Variants in CEP112 observed in about 807,000 individuals in gnomAD.
The protein encoded by CEP112 is centrosomal protein 112, also known as centrosomal protein of 112 kDa.
A neutral mutation model predicts 153.0 loss-of-function variants in CEP112; 127 were observed. The ratio of observed to expected loss-of-function variants is 0.83; its 90% CI spans 0.72 to 0.96. CEP112 has a LOEUF of 0.96. Ranked by LOEUF, CEP112 falls within the 40% of genes least tolerant of loss-of-function variation. The pLI, the probability that CEP112 is intolerant of heterozygous loss-of-function variation, is 0.00. For synonymous variants in CEP112, 358 were observed against 374.4 expected, an observed-to-expected ratio of 0.96 and a Z score of 0.51; for missense variants, 1,089 against 1,101.2, an observed-to-expected ratio of 0.99 and a Z score of 0.16.
intron 21 of CEP112, among the ~76,000 whole-genome samples, chr17:65,774,681 C>T (rs1332087520): frequency 6.6e-6 from 1 of 152,090 alleles, no homozygotes; most frequent in African/African-American, 2.4e-5. Context: ...GAGGCCCTAC[C>T]CCATGGCATG....
Position 66,016,392 on chromosome 17 carries a change from G to A in CEP112, c.1657-10623C>T, listed in dbSNP as rs536859746. On this transcript the variant is annotated intron_variant, in intron 16 of 26. Transcript: ENST00000535342. ...GACAAAAACCACAGGGGCTGTAACTGTGCTTCTATTACGTGTCTCTAAGTG... is the reference window on the plus strand; with the variant it reads ...GACAAAAACCACAGGGGCTGTAACTATGCTTCTATTACGTGTCTCTAAGTG... Among the ~76,000 whole-genome samples the A allele has an allele frequency of 7.2e-5, 11 of 152,200 alleles. No individual in the cohort carries two copies. In the South Asian group the frequency reaches 1.2e-3, roughly 17 times the overall value.
At chr17:65,792,764 A>G (rs1239885055) in intron 21 of CEP112, among the ~76,000 whole-genome samples, 3 of 152,204 alleles carry the variant, frequency 2.0e-5, no homozygotes, top group African/African-American at 7.2e-5. Flanking sequence ...GAAAAAAGGA[A>G]TAGAAGCTAT....
At chr17:65,641,534 G>A (rs2045133479) in intron 24 of CEP112, among the ~76,000 whole-genome samples, 1 of 152,084 alleles carries the variant, frequency 6.6e-6, no homozygotes, top group African/African-American at 2.4e-5. Flanking sequence ...AGGCTGAGGT[G>A]GGCAGATCAC....
At chr17:65,702,905 C>T (rs928895613) in intron 23 of CEP112, among the ~76,000 whole-genome samples, 2 of 152,118 alleles carry the variant, frequency 1.3e-5, no homozygotes, top group Admixed American at 6.5e-5. Flanking sequence ...AAAAACTCGC[C>T]CCCATGATTC....
intron 19 of CEP112, among the ~76,000 whole-genome samples, chr17:65,923,003 AGTT>A (rs1342165016): frequency 1.3e-5 from 2 of 152,150 alleles, no homozygotes; most frequent in Non-Finnish European, 2.9e-5. Flanking sequence ...CCATCACTAA[AGTT>A]GTGGAAAACA....
At chr17:65,656,356 G>A (rs1478060056) in intron 24 of CEP112, among the ~76,000 whole-genome samples, 3 of 152,220 alleles carry the variant, frequency 2.0e-5, no homozygotes, top group Admixed American at 2.0e-4. Context: ...TGTACCTAGA[G>A]TTAGCCCTGT....
chr17:66,157,181 T>C (rs555621111), intron 4 of CEP112, among the ~76,000 whole-genome samples: 76 of 152,172 alleles, frequency 5.0e-4, no homozygotes, highest in Admixed American at 1.2e-3. Context: ...TCGGATCTCT[T>C]GGCAGAAACC....
At chr17:66,013,885 T>C (rs11867734) in intron 16 of CEP112, among the ~76,000 whole-genome samples, 8,333 of 151,944 alleles carry the variant, frequency 0.055, 304 homozygotes, top group South Asian at 0.11. Context: ...AGTGTTGGCA[T>C]AGCAGTGGAT....
intron 4 of CEP112, among the ~76,000 whole-genome samples, chr17:66,134,656 G>A (rs2070357112): frequency 6.6e-6 from 1 of 152,042 alleles, no homozygotes; most frequent in African/African-American, 2.4e-5. Context: ...TGGGCAACAT[G>A]CGACAAAAAG....
At chr17:66,104,959 TAGTA>T (rs889301537) in intron 6 of CEP112, among the ~76,000 whole-genome samples, 3 of 152,194 alleles carry the variant, frequency 2.0e-5, no homozygotes, top group African/African-American at 4.8e-5. Flanking sequence ...TCACTGGTTA[TAGTA>T]AGTATTATAC....
intron 3 of CEP112, 67 bp downstream of exon 3, chr17:66,176,763 A>G: frequency 2.4e-6 from 3 of 1,224,736 alleles, no homozygotes; most frequent in Non-Finnish European, 3.4e-6. Context: ...CATTCCCCAA[A>G]GGGATGATAA....
At chr17:66,165,343 G>A (rs2071907553) in intron 4 of CEP112, among the ~76,000 whole-genome samples, 1 of 152,122 alleles carries the variant, frequency 6.6e-6, no homozygotes, top group Non-Finnish European at 1.5e-5. Flanking sequence ...ACGTTTACTG[G>A]TGGCGACTGT....
intron 12 of CEP112, among the ~76,000 whole-genome samples, chr17:66,035,008 A>ATATTTTT (rs1454121288): frequency 2.8e-4 from 20 of 72,336 alleles, no homozygotes; most frequent in African/African-American, 6.6e-4. Context: ...ATATATATAT[A>ATATTTTT]TTTTTTTTTT....
At chr17:66,157,242 G>C (rs1358417258) in intron 4 of CEP112, among the ~76,000 whole-genome samples, 2 of 152,128 alleles carry the variant, frequency 1.3e-5, no homozygotes, top group Non-Finnish European at 2.9e-5. Context: ...TTAAAGAAAA[G>C]AATTTTCAAT....
intron 8 of CEP112, among the ~76,000 whole-genome samples, chr17:66,077,030 C>A (rs1408824080): frequency 2.0e-5 from 3 of 152,116 alleles, no homozygotes; most frequent in African/African-American, 7.2e-5. Flanking sequence ...AGGGAATACC[C>A]CGTGGGAAAA....
intron 23 of CEP112, among the ~76,000 whole-genome samples, chr17:65,700,244 G>C (rs576766617): frequency 2.0e-5 from 3 of 152,042 alleles, no homozygotes; most frequent in Non-Finnish European, 4.4e-5. Context: ...TATAATCTGG[G>C]CATATCGCAT....
chr17:65,812,616 A>G (rs1598657010), intron 21 of CEP112, among the ~76,000 whole-genome samples: 1 of 152,182 alleles, frequency 6.6e-6, no homozygotes, highest in East Asian at 1.9e-4. Context: ...CCTGTTATAT[A>G]TTATCTCCAC....
At chr17:65,920,365 AT>A (rs1568229769) in intron 19 of CEP112, among the ~76,000 whole-genome samples, 4 of 32,822 alleles carry the variant, frequency 1.2e-4, no homozygotes, top group East Asian at 9.9e-4. Context: ...CAAACAAAAT[AT>A]ATATATATAT....
chr17:65,951,348 A>G (rs1311983292), intron 18 of CEP112, among the ~76,000 whole-genome samples: 1 of 152,156 alleles, frequency 6.6e-6, no homozygotes, highest in African/African-American at 2.4e-5. Context: ...TCGCCAGTGA[A>G]GCCATTTGTC....
Sources: allele counts gnomAD v4.1 joint callset (sites outside exome capture counted in the v4.1 genomes callset), GRCh38; gene constraint gnomAD v4.1.1; transcripts MANE v1.5; gene names NCBI Gene and HGNC (gene_info 2026-07-23, HGNC 2026-07-21).